Variants in LIMK2 observed in about 807,000 individuals in gnomAD.
The protein encoded by LIMK2 is LIM domain kinase 2.
LIMK2 carries 35 observed loss-of-function variants against 75.7 expected under a neutral mutation model. That is an observed-to-expected ratio of 0.46 (90% CI 0.35 to 0.61). The LOEUF (loss-of-function observed/expected upper bound fraction) is 0.61, where lower values mean the gene tolerates loss of function less well. Among genes scored for constraint, LIMK2 ranks in the 20% least tolerant of loss-of-function variants. The pLI, the probability that LIMK2 is intolerant of heterozygous loss-of-function variation, is 0.00. For synonymous variants in LIMK2, 301 were observed against 319.2 expected, an observed-to-expected ratio of 0.94 and a Z score of 0.61; for missense variants, 623 against 831.0, an observed-to-expected ratio of 0.75 and a Z score of 3.08.
At chr22:31,272,425 C>T (rs2048968293) in intron 12 of LIMK2, 105 bp from the exon 13 acceptor site, 1 of 1,072,442 alleles carries the variant, frequency 9.3e-7, no homozygotes, top group Non-Finnish European at 1.3e-6. Context: ...CCTTGCTATA[C>T]ACCTTTTCTC....
rs556306822 is a variant in LIMK2 at position 31,263,432 on chromosome 22, G to A, written c.854+641G>A. 1.6e-4 allele frequency among the ~76,000 whole-genome samples: 24 copies of A among 152,236 alleles called. No homozygotes were observed. In the South Asian group the frequency reaches 4.8e-3, roughly 30 times the overall value. ...CTGTGACATAAGATGGTAAGATAAA[G>A]GTGGCTGTCTCACCAATTATGTAAG... is the stretch of plus-strand genomic sequence containing the variant. On this transcript the variant is annotated intron_variant, in intron 7 of 15. Transcript: ENST00000331728.
chr22:31,271,057 C>A, intron 11 of LIMK2, 79 bp from the exon 12 acceptor site: 1 of 1,316,398 alleles, frequency 7.6e-7, no homozygotes, highest in South Asian at 1.2e-5. Context: ...GGTAGGAGAG[C>A]ATCTATGGCG....
intron 2 of LIMK2, among the ~76,000 whole-genome samples, chr22:31,229,890 C>T: frequency 6.6e-6 from 1 of 152,158 alleles, no homozygotes; most frequent in East Asian, 1.9e-4. Flanking sequence ...AGGCCAGTGA[C>T]AAAACTGAAA....
rs2049061323 is a variant in LIMK2 at position 31,279,156 on chromosome 22, T to TA, written c.*716dup. The TA allele has an allele frequency of 1.3e-5, 2 of 152,222 alleles. No homozygotes were observed. Among genetic ancestry groups the TA allele is most frequent in the Admixed American group, 6.5e-5 (1 of 15,288 alleles). The allele number at this position is 152,222 out of a possible 1,614,324, so 9.4% of individuals were successfully genotyped here. On this transcript the variant is annotated 3_prime_UTR_variant, in exon 16 of 16. Transcript: ENST00000331728. The stretch of plus-strand genomic sequence containing the variant: ...TAATACTGGAGACTGGCTGAGAACT[T>TA]ACGGACAACATCCTTTCTGTCTGAA...
intron 12 of LIMK2, among the ~76,000 whole-genome samples, chr22:31,272,053 T>TTTTTG (rs71202052): frequency 0.084 from 12,731 of 151,770 alleles, 711 homozygotes; most frequent in Non-Finnish European, 0.12. Context: ...TGTGTCTGTT[T>TTTTTG]TTTTGTTTTG....
At chr22:31,224,209 G>A (rs1484267999) in intron 1 of LIMK2, among the ~76,000 whole-genome samples, 1 of 152,208 alleles carries the variant, frequency 6.6e-6, no homozygotes, top group Admixed American at 6.5e-5. Flanking sequence ...GCCATACCAG[G>A]AGTATTGTAT....
At chr22:31,267,698 C>T in intron 9 of LIMK2, 78 bp from the exon 10 acceptor site, 14 of 1,485,356 alleles carry the variant, frequency 9.4e-6, no homozygotes, top group Non-Finnish European at 9.1e-7. Flanking sequence ...ACTTGTCAAG[C>T]TGATTCCTTG....
At chr22:31,224,520 CAA>C (rs1392304664) in intron 1 of LIMK2, among the ~76,000 whole-genome samples, 1 of 152,190 alleles carries the variant, frequency 6.6e-6, no homozygotes, top group African/African-American at 2.4e-5. Flanking sequence ...CCCCCTGCCT[CAA>C]GTTTTAATTT....
Position 31,278,422 on chromosome 22 carries a change from C to T in LIMK2, c.1898C>T (p.Thr633Ile), listed in dbSNP as rs371070083. The change falls in exon 16 of 16, where the codon ACC becomes ATC. Residue 633 changes from threonine to isoleucine, a missense_variant. Physicochemically the swap from Thr to Ile is moderately conservative, Grantham distance 89. Around this residue, in one of 3 missense-constraint regions of LIMK2, gnomAD observed 46 missense variants for 46.9 expected, o/e 0.98. Coordinates refer to ENST00000331728, the MANE Select transcript of LIMK2 (RefSeq NM_005569.4). Reference sequence around the variant, plus strand: ...ACTGTGAGCATGCAGTACGGCCTGACCCGGGACTCACCTCCCTAGCCCTGG... The same window carrying T: ...ACTGTGAGCATGCAGTACGGCCTGATCCGGGACTCACCTCCCTAGCCCTGG... ...DHTVSMQYGL[T>I]RDSPP The T allele has an allele frequency of 1.0e-4, 163 of 1,612,124 alleles. No homozygotes were observed. The highest frequency in any genetic ancestry group is 1.3e-4 in the Non-Finnish European group (152 of 1,179,194).
At chr22:31,248,437 GA>G in intron 2 of LIMK2, 2 of 1,455,706 alleles carry the variant, frequency 1.4e-6, no homozygotes, top group Non-Finnish European at 1.8e-6. Context: ...CCTCCACAGA[GA>G]GGTCGTTTTC....
At chr22:31,229,445 A>G (rs1359233554) in intron 2 of LIMK2, among the ~76,000 whole-genome samples, 1 of 151,996 alleles carries the variant, frequency 6.6e-6, no homozygotes, top group East Asian at 1.9e-4. Context: ...TGGGGCATCA[A>G]CCTGAATGGT....
chr22:31,277,444 C>T (rs1010438669), intron 15 of LIMK2: 48 of 1,160,326 alleles, frequency 4.1e-5, no homozygotes, highest in East Asian at 2.5e-4. Flanking sequence ...TGATTTCCAG[C>T]GGTCCACATT....
chr22:31,258,455 C>G (rs1410938673), intron 3 of LIMK2, 29 bp downstream of exon 3: 1 of 1,612,868 alleles, frequency 6.2e-7, no homozygotes, highest in African/African-American at 1.3e-5. Context: ...ATCTGCCCCT[C>G]TTGGTCTTCA....
intron 11 of LIMK2, among the ~76,000 whole-genome samples, chr22:31,269,670 A>T (rs1362172513): frequency 6.6e-6 from 1 of 151,828 alleles, no homozygotes; most frequent in Non-Finnish European, 1.5e-5. Flanking sequence ...GCTACTCAGG[A>T]GGCCGAGGCA....
chr22:31,266,219 C>A (rs1001035339), intron 8 of LIMK2, 87 bp downstream of exon 8: 1 of 1,342,322 alleles, frequency 7.4e-7, no homozygotes, highest in Non-Finnish European at 1.0e-6. Context: ...TTGGCCCCAC[C>A]CCACACCATG....
chr22:31,246,842 C>A (rs963837779), intron 2 of LIMK2, among the ~76,000 whole-genome samples: 1 of 152,024 alleles, frequency 6.6e-6, no homozygotes, highest in African/African-American at 2.4e-5. Flanking sequence ...CCCTCAGAAC[C>A]TATTTCCTAA....
chr22:31,258,455 C>T (rs1410938673), intron 3 of LIMK2, 29 bp downstream of exon 3: 5 of 1,612,986 alleles, frequency 3.1e-6, no homozygotes, highest in Non-Finnish European at 4.2e-6. Flanking sequence ...ATCTGCCCCT[C>T]TTGGTCTTCA....
intron 15 of LIMK2, among the ~76,000 whole-genome samples, chr22:31,276,412 A>G (rs1303164776): frequency 6.6e-6 from 1 of 151,662 alleles, no homozygotes; most frequent in Non-Finnish European, 1.5e-5. Flanking sequence ...GTTGGGACAT[A>G]ATCTTTATTT....
chr22:31,262,456 A>G lies in LIMK2; in HGVS notation c.658-139A>G. ...GCTGACAGGATGCCAGGCAGAGGGC[A>G]CTGTGAGGCCACTGGCAGCTAAAGG... On this transcript the variant is annotated intron_variant, in intron 6 of 15. Transcript: ENST00000331728. This position sits in a 1 kb window ranked among gnomAD's most constrained non-coding sequence, Gnocchi z 5.0. 1.2e-6 allele frequency: 1 copy of G among 866,762 alleles called. No individual in the cohort carries two copies. The highest frequency in any genetic ancestry group is 2.5e-5 in the East Asian group (1 of 40,004). 53.7% of individuals were successfully genotyped at this position (866,762 alleles called of 1,614,324 possible).
Sources: gnomAD v4.1 joint callset for allele counts (sites outside exome capture counted in the v4.1 genomes callset) on GRCh38, gnomAD v4.1.1 for gene constraint, gnomAD v4.1.1 regional missense constraint, Gnocchi (gnomAD v3.1) non-coding constraint, MANE v1.5 for transcripts, NCBI Gene and HGNC (gene_info 2026-07-23, HGNC 2026-07-21) for gene names.